Variants in EVL observed in about 807,000 individuals in gnomAD.
EVL encodes ena/VASP-like protein.
A neutral mutation model predicts 59.6 loss-of-function variants in EVL; 21 were observed. The ratio of observed to expected loss-of-function variants is 0.35; its 90% CI spans 0.25 to 0.51. EVL has a LOEUF of 0.51. Among genes scored for constraint, EVL ranks in the 20% least tolerant of loss-of-function variants. The probability of loss-of-function intolerance (pLI) is 0.97; values close to 1 mark genes in which losing one functional copy is unlikely to be tolerated. For missense variants in EVL, 462 were observed against 546.6 expected (o/e 0.85, Z 1.54); for synonymous variants, 198 against 203.5 (o/e 0.97, Z 0.23).
chr14:100,127,147 G>T lies in EVL; in HGVS notation c.487+376G>T, dbSNP rs1330060502. ...ACCCACCCTTGTCATGTCACGTAGT[G>T]AACACTGTGGCAAGTGACGTGCAGG... is the stretch of plus-strand genomic sequence containing the variant. On this transcript the variant is annotated intron_variant, in intron 5 of 13. Transcript: ENST00000392920. The surrounding 1 kb of genome is among the most constrained non-coding windows in gnomAD (Gnocchi z 4.2). Among the ~76,000 whole-genome samples the T allele has an allele frequency of 6.6e-6, 1 of 152,234 alleles. No individual in the cohort carries two copies. Among genetic ancestry groups the T allele is most frequent in the Non-Finnish European group, 1.5e-5 (1 of 68,038 alleles).
intron 1 of EVL, among the ~76,000 whole-genome samples, chr14:100,026,609 C>A (rs2061218067): frequency 2.0e-5 from 3 of 152,090 alleles, no homozygotes; most frequent in Admixed American, 2.0e-4. Flanking sequence ...CTACCCTCCT[C>A]CCAGTTCCCA....
At chr14:99,990,399 A>T (rs1164770501) in intron 1 of EVL, among the ~76,000 whole-genome samples, 6 of 152,192 alleles carry the variant, frequency 3.9e-5, no homozygotes, top group Admixed American at 2.0e-4. Flanking sequence ...TGTACAGTTC[A>T]TTAGCGTTAA....
At chr14:100,121,735 A>G (rs950094864) in intron 3 of EVL, among the ~76,000 whole-genome samples, 2 of 152,146 alleles carry the variant, frequency 1.3e-5, no homozygotes, top group African/African-American at 4.8e-5. Context: ...GCACACAACC[A>G]CACAGGCCTG....
At chr14:99,990,230 A>G (rs2060866509) in intron 1 of EVL, among the ~76,000 whole-genome samples, 2 of 152,208 alleles carry the variant, frequency 1.3e-5, no homozygotes, top group African/African-American at 2.4e-5. Context: ...AAGGTTTTCA[A>G]TTTACTTTGC....
intron 1 of EVL, among the ~76,000 whole-genome samples, chr14:100,012,220 A>T (rs2061020991): frequency 6.6e-6 from 1 of 152,204 alleles, no homozygotes; most frequent in South Asian, 2.1e-4. Flanking sequence ...TATACTTGGT[A>T]TTGATTTACC....
rs180794618 is a variant in EVL, at chr14:99,995,554, G to T, written c.5+23497G>T. 2.1e-4 allele frequency among the ~76,000 whole-genome samples: 32 copies of T among 152,174 alleles called. No individual in the cohort carries two copies. In the East Asian group the frequency reaches 6.2e-3, roughly 29 times the overall value. On this transcript the variant is annotated intron_variant, in intron 1 of 13. Coordinates refer to the EVL transcript ENST00000402714. ...TTAGTTCATTGAGCATCCTTACAGTGGCTATTTTGAATTCTTTGGTAATTC... is the reference window on the plus strand; with the variant it reads ...TTAGTTCATTGAGCATCCTTACAGTTGCTATTTTGAATTCTTTGGTAATTC...
rs1043543365 is a variant in EVL, at chr14:100,138,135, C to A, written c.1094+333C>A. ...CCTCTCCAAGCCTCTGTTTTCCCCC[C>A]ACAAAGTGAGGTCTGTTAACCCCTG... On this transcript the variant is annotated intron_variant, in intron 11 of 13. Transcript: ENST00000392920. 21 of 429,578 alleles carry A rather than the reference C, an allele frequency of 4.9e-5. No homozygotes were observed. The East Asian group carries it at 5.0e-4, about 10-fold the overall frequency. The allele number at this position is 429,578 out of a possible 1,614,324, so 26.6% of individuals were successfully genotyped here.
intron 1 of EVL, among the ~76,000 whole-genome samples, chr14:100,018,353 A>G (rs900545102): frequency 6.6e-6 from 1 of 152,258 alleles, no homozygotes. Context: ...GGAACTGTGA[A>G]TGTCTAACTG....
chr14:100,094,660 C>G (rs1186091287), intron 2 of EVL, among the ~76,000 whole-genome samples: 4 of 152,122 alleles, frequency 2.6e-5, no homozygotes, highest in Non-Finnish European at 5.9e-5. Context: ...AGGAGGATCA[C>G]TTGAACCTAG....
At chr14:100,122,459 G>A (rs1350189875) in intron 3 of EVL, among the ~76,000 whole-genome samples, 1 of 152,184 alleles carries the variant, frequency 6.6e-6, no homozygotes, top group Admixed American at 6.5e-5. Context: ...CGTTGCTCTG[G>A]TAATAATGTT....
intron 1 of EVL, 24 bp from the exon 2 acceptor site, chr14:100,084,661 GAC>G (rs2062397988): frequency 4.3e-6 from 7 of 1,611,808 alleles, no homozygotes; most frequent in Non-Finnish European, 5.1e-6. Context: ...AGCTGAGGCT[GAC>G]ACCAGTTTTT....
At chr14:100,023,007 G>A (rs1404001367) in intron 1 of EVL, among the ~76,000 whole-genome samples, 1 of 152,140 alleles carries the variant, frequency 6.6e-6, no homozygotes, top group African/African-American at 2.4e-5. Context: ...GAGCACTGAT[G>A]GTTGTGATGA....
chr14:99,973,654 G>A (rs962917465), intron 1 of EVL, among the ~76,000 whole-genome samples: 1 of 152,106 alleles, frequency 6.6e-6, no homozygotes, highest in Admixed American at 6.6e-5. Context: ...GTAGAGACGG[G>A]GTTTCACCAT....
intron 2 of EVL, among the ~76,000 whole-genome samples, chr14:100,087,751 A>G (rs957711338): frequency 4.8e-4 from 73 of 151,064 alleles, no homozygotes; most frequent in African/African-American, 1.8e-3. Context: ...GTCCAGAAGA[A>G]GGGAGACTGC....
At position 100,141,254 on chromosome 14, in the gene EVL, T is replaced by C. The variant is rs1014024662; in HGVS notation, c.1161+8T>C. On this transcript the variant is annotated splice_region_variant and intron_variant, in intron 12 of 13. Coordinates refer to ENST00000392920, the MANE Select transcript of EVL (RefSeq NM_016337.3). ...TTGGACCGGATGAAGCAGGTGAGCA[T>C]GCCCTGTGCCCTTCCCTCAAGAGGC... 11 of 1,613,396 alleles carry C rather than the reference T, an allele frequency of 6.8e-6. No individual in the cohort carries two copies. The highest frequency in any genetic ancestry group is 8.5e-6 in the Non-Finnish European group (10 of 1,179,860).
chr14:100,074,201 T>C (rs566559390), intron 1 of EVL, among the ~76,000 whole-genome samples: 1 of 152,260 alleles, frequency 6.6e-6, no homozygotes, highest in East Asian at 1.9e-4. Context: ...CCTGAGGCAA[T>C]TCTCCAGGCC....
At chr14:100,075,013 G>A (rs1490993654) in intron 1 of EVL, 1 of 152,290 alleles carries the variant, frequency 6.6e-6, no homozygotes, top group Non-Finnish European at 1.5e-5. Context: ...CTGTCCAGCA[G>A]TGTCTCTGAC....
chr14:100,019,397 GC>G (rs1414373207), intron 1 of EVL: 1 of 429,570 alleles, frequency 2.3e-6, no homozygotes, highest in East Asian at 3.8e-5. Context: ...CCAGCCTGGA[GC>G]CTAAGCATAC....
chr14:100,133,599 A>G (rs545246198), intron 8 of EVL, among the ~76,000 whole-genome samples: 26 of 151,918 alleles, frequency 1.7e-4, no homozygotes, highest in African/African-American at 6.3e-4. Context: ...CCACCAGCCA[A>G]CTCCCATTCA....
Sources: gnomAD v4.1 joint callset for allele counts (sites outside exome capture counted in the v4.1 genomes callset) on GRCh38, gnomAD v4.1.1 for gene constraint, Gnocchi (gnomAD v3.1) non-coding constraint, MANE v1.5 for transcripts, NCBI Gene and HGNC (gene_info 2026-07-23, HGNC 2026-07-21) for gene names.